Variants in PTPRC observed in about 807,000 individuals in gnomAD.
PTPRC encodes the protein receptor-type tyrosine-protein phosphatase C.
PTPRC carries 44 observed loss-of-function variants against 155.9 expected under a neutral mutation model. The ratio of observed to expected loss-of-function variants is 0.28; its 90% CI spans 0.22 to 0.36. The LOEUF is 0.36. Among genes scored for constraint, PTPRC ranks in the 10% least tolerant of loss-of-function variants. The probability of loss-of-function intolerance (pLI) is 1.00; values close to 1 mark genes in which losing one functional copy is unlikely to be tolerated. For synonymous variants in PTPRC, 525 were observed against 533.1 expected (o/e 0.98, Z 0.21); for missense variants, 1,401 against 1,564.6 (o/e 0.90, Z 1.76).
chr1:198,729,083 A>G (rs1654271748), intron 16 of PTPRC, 54 bp from the exon 17 acceptor site: 4 of 1,583,418 alleles, frequency 2.5e-6, no homozygotes, highest in African/African-American at 1.4e-5. Context: ...TAAAATACCA[A>G]TTGAATTTTG....
At chr1:198,674,741 T>C (rs191057578) in intron 2 of PTPRC, among the ~76,000 whole-genome samples, 5 of 152,128 alleles carry the variant, frequency 3.3e-5, no homozygotes, top group African/African-American at 1.2e-4. Context: ...AAATAAGCTT[T>C]CAATTTGGGA....
At chr1:198,650,860 A>C (rs575258895) in intron 2 of PTPRC, among the ~76,000 whole-genome samples, 1 of 151,832 alleles carries the variant, frequency 6.6e-6, no homozygotes, top group Non-Finnish European at 1.5e-5. Flanking sequence ...AGTGAAAAAA[A>C]GTAGAACTAT....
At position 198,731,654 on chromosome 1, in the gene PTPRC, T is replaced by G; in HGVS notation, c.1902T>G (p.His634Gln). ...EKQLMNVEPIHADILLETYKR... is the reference protein window; with the variant it reads ...EKQLMNVEPIQADILLETYKR... ...AACTGATGAATGTGGAGCCAATCCA[T>G]GCAGATATTTTGTTGGAAACTTATA... The change falls in exon 18 of 33, where the codon CAT becomes CAG. Residue 634 changes from histidine to glutamine, a missense_variant. His to Gln is a conservative substitution (Grantham distance 24, BLOSUM62 0). Transcript: ENST00000442510. 1 of 1,611,620 alleles carries G rather than the reference T, an allele frequency of 6.2e-7. No homozygotes were observed.
chr1:198,732,694 A>G (rs1261344487), intron 20 of PTPRC, 138 bp downstream of exon 20: 2 of 670,270 alleles, frequency 3.0e-6, no homozygotes, highest in Admixed American at 2.6e-5. Context: ...AAAATTATCA[A>G]TATTAGCAAG....
At chr1:198,694,099 G>A in intron 3 of PTPRC, 6 of 1,548,606 alleles carry the variant, frequency 3.9e-6, no homozygotes, top group South Asian at 1.2e-5. Context: ...TCAGCCTTCA[G>A]TTGGTGGCCA....
intron 15 of PTPRC, among the ~76,000 whole-genome samples, chr1:198,723,559 T>C (rs909234129): frequency 1.3e-5 from 2 of 152,210 alleles, no homozygotes; most frequent in African/African-American, 2.4e-5. Context: ...CTTTTTCTTT[T>C]ATAATATCTT....
At chr1:198,704,071 T>C in intron 7 of PTPRC, among the ~76,000 whole-genome samples, 1 of 152,202 alleles carries the variant, frequency 6.6e-6, no homozygotes, top group East Asian at 1.9e-4. Flanking sequence ...GACTTTTTTT[T>C]ATGTAAATGA....
chr1:198,735,042 T>G, intron 22 of PTPRC, 85 bp from the exon 23 acceptor site: 1 of 1,230,908 alleles, frequency 8.1e-7, no homozygotes, highest in Admixed American at 2.1e-5. Flanking sequence ...TGAGTATAGG[T>G]TTTGTTTTCA....
intron 2 of PTPRC, among the ~76,000 whole-genome samples, chr1:198,672,095 G>A (rs1000079330): frequency 6.6e-6 from 1 of 152,148 alleles, no homozygotes; most frequent in Non-Finnish European, 1.5e-5. Context: ...CATCTGGGTT[G>A]GTCAAAGTGA....
At chr1:198,754,549 CT>C (rs1655539920) in intron 32 of PTPRC, 145 bp downstream of exon 32, 1 of 970,262 alleles carries the variant, frequency 1.0e-6, no homozygotes, top group Non-Finnish European at 1.5e-6. Context: ...CTTTCCTATT[CT>C]TTTAGCTTTT....
chr1:198,704,636 A>G, intron 8 of PTPRC, 138 bp downstream of exon 8: 1 of 1,501,196 alleles, frequency 6.7e-7, no homozygotes, highest in Non-Finnish European at 9.1e-7. Flanking sequence ...ACTAGTCTCA[A>G]ATTAGTAAAA....
At chr1:198,707,959 A>G (rs1473257804) in intron 9 of PTPRC, among the ~76,000 whole-genome samples, 174 bp from the exon 10 acceptor site, 2 of 152,214 alleles carry the variant, frequency 1.3e-5, no homozygotes, top group Non-Finnish European at 2.9e-5. Flanking sequence ...TAAATAATAA[A>G]AGAAACAAAT....
At chr1:198,648,705 A>T (rs1663069331) in intron 2 of PTPRC, among the ~76,000 whole-genome samples, 1 of 151,822 alleles carries the variant, frequency 6.6e-6, no homozygotes, top group South Asian at 2.1e-4. Context: ...GACTTTTATA[A>T]AAAACAAAAA....
chr1:198,659,945 A>G (rs1310708686), intron 2 of PTPRC, among the ~76,000 whole-genome samples: 1 of 150,058 alleles, frequency 6.7e-6, no homozygotes, highest in Non-Finnish European at 1.5e-5. Flanking sequence ...TACAGAAATC[A>G]TTGTCCACGT....
chr1:198,699,528 G>A, intron 4 of PTPRC, 36 bp from the exon 5 acceptor site: 2 of 1,613,558 alleles, frequency 1.2e-6, no homozygotes, highest in South Asian at 1.1e-5. Context: ...TCCAGTGGGG[G>A]AAGACTGATG....
rs202001937 is a variant in PTPRC at position 198,657,063 on chromosome 1, T to TAC, written c.73+17735_73+17736dup. On this transcript the variant is annotated intron_variant, in intron 2 of 32. Transcript: ENST00000442510. ...TAGTGTATATATATAAATATATATA[T>TAC]ACACACACACACACTGTATGTATTC... Among the ~76,000 whole-genome samples the TAC allele has an allele frequency of 8.6e-4, 130 of 150,764 alleles. 2 individuals carry two copies. In the Middle Eastern group the frequency reaches 0.017, roughly 20 times the overall value.
chr1:198,716,977 C>A, intron 13 of PTPRC, 137 bp downstream of exon 13: 1 of 750,938 alleles, frequency 1.3e-6, no homozygotes, highest in Non-Finnish European at 2.2e-6. Flanking sequence ...GGCTTATAAA[C>A]ACGTAAAATC....
chr1:198,731,302 A>T (rs2102481661), intron 17 of PTPRC, among the ~76,000 whole-genome samples: 1 of 152,188 alleles, frequency 6.6e-6, no homozygotes, highest in South Asian at 2.1e-4. Flanking sequence ...AATTGCTATA[A>T]AATGCATATA....
chr1:198,736,948 G>GACC (rs985457219), intron 23 of PTPRC, among the ~76,000 whole-genome samples: 16 of 151,572 alleles, frequency 1.1e-4, no homozygotes, highest in African/African-American at 3.9e-4. Context: ...AAATAATGTT[G>GACC]ACCACCTTTT....
Sources: allele counts gnomAD v4.1 joint callset (sites outside exome capture counted in the v4.1 genomes callset), GRCh38; gene constraint gnomAD v4.1.1; transcripts MANE v1.5; gene names NCBI Gene and HGNC (gene_info 2026-07-23, HGNC 2026-07-21).